CCSER1: variants seen among roughly 807,000 people sequenced by gnomAD.
The protein encoded by CCSER1 is coiled-coil serine rich protein 1, also known as serine-rich coiled-coil domain-containing protein 1.
Under a neutral mutation model 82.0 loss-of-function variants are expected in CCSER1, and 41 were observed. That is an observed-to-expected ratio of 0.50 (90% CI 0.39 to 0.65). The LOEUF is 0.65. CCSER1 is among the 30% of genes least tolerant of loss of function. The probability of loss-of-function intolerance (pLI) is 0.00; values close to 1 mark genes in which losing one functional copy is unlikely to be tolerated. For synonymous variants in CCSER1, 414 were observed against 383.9 expected, an observed-to-expected ratio of 1.08 and a Z score of -0.92; for missense variants, 1,119 against 1,064.2, an observed-to-expected ratio of 1.05 and a Z score of -0.72.
chr4:90,971,968 A>G (rs1441646105), intron 9 of CCSER1, among the ~76,000 whole-genome samples: 1 of 152,090 alleles, frequency 6.6e-6, no homozygotes, highest in Non-Finnish European at 1.5e-5. Flanking sequence ...TACTATCAAT[A>G]TATTGGATAA....
intron 9 of CCSER1, among the ~76,000 whole-genome samples, chr4:91,081,006 T>G (rs1228866391): frequency 6.6e-6 from 1 of 152,210 alleles, no homozygotes; most frequent in South Asian, 2.1e-4. Context: ...CCATGCCTTC[T>G]GAAATTATTC....
chr4:90,817,428 T>G (rs1759163059), intron 8 of CCSER1, among the ~76,000 whole-genome samples: 2 of 151,842 alleles, frequency 1.3e-5, no homozygotes, highest in South Asian at 4.1e-4. Context: ...ATGATTACTT[T>G]CAAAGACAGT....
At position 90,771,607 on chromosome 4, in the gene CCSER1, G is replaced by A. The variant is rs867613282; in HGVS notation, c.2011-44155G>A. ...AGAAAAGAAAAAAATGCATATTTTT[G>A]TAGAAAGTGAGATACTATTTTTATT... On this transcript the variant is annotated intron_variant, in intron 7 of 10. Coordinates refer to ENST00000509176, the MANE Select transcript of CCSER1 (RefSeq NM_001145065.2). Among the ~76,000 whole-genome samples the A allele has an allele frequency of 4.1e-5, 6 of 146,304 alleles. No individual in the cohort carries two copies. The South Asian group carries it at 8.6e-4, about 21-fold the overall frequency.
chr4:90,955,420 T>C (rs1733336366), intron 9 of CCSER1, among the ~76,000 whole-genome samples: 1 of 152,220 alleles, frequency 6.6e-6, no homozygotes, highest in East Asian at 1.9e-4. Flanking sequence ...GACCAATGAG[T>C]ATAAATATCC....
At chr4:91,471,559 T>C (rs1173357500) in intron 10 of CCSER1, among the ~76,000 whole-genome samples, 1 of 152,134 alleles carries the variant, frequency 6.6e-6, no homozygotes, top group East Asian at 1.9e-4. Context: ...ACGGTCTGCT[T>C]GTTTTGCTGC....
intron 6 of CCSER1, among the ~76,000 whole-genome samples, chr4:90,684,179 G>A (rs905581669): frequency 1.3e-5 from 2 of 152,020 alleles, no homozygotes; most frequent in African/African-American, 2.4e-5. Context: ...TGTCTATTTT[G>A]TTTCACTTTA....
At chr4:91,527,333 C>A (rs574069797) in intron 10 of CCSER1, among the ~76,000 whole-genome samples, 5 of 152,238 alleles carry the variant, frequency 3.3e-5, no homozygotes, top group African/African-American at 9.6e-5. Context: ...GAATGCTATG[C>A]TAAAACAATT....
intron 7 of CCSER1, among the ~76,000 whole-genome samples, chr4:90,776,968 C>T (rs575848288): frequency 5.3e-5 from 8 of 152,274 alleles, no homozygotes; most frequent in African/African-American, 1.9e-4. Flanking sequence ...TTCGCAGTAT[C>T]TGGCACAAGA....
chr4:91,077,663 A>G (rs1722149556), intron 9 of CCSER1, among the ~76,000 whole-genome samples: 1 of 152,200 alleles, frequency 6.6e-6, no homozygotes, highest in South Asian at 2.1e-4. Context: ...TCACCTGGGA[A>G]GCACAAGAGG....
chr4:90,548,404 A>G (rs1400485189), intron 5 of CCSER1, among the ~76,000 whole-genome samples: 1 of 152,050 alleles, frequency 6.6e-6, no homozygotes, highest in Non-Finnish European at 1.5e-5. Context: ...ATACACACAC[A>G]TATCCCAGCT....
At chr4:90,707,024 C>T (rs1242323031) in intron 6 of CCSER1, among the ~76,000 whole-genome samples, 1 of 152,076 alleles carries the variant, frequency 6.6e-6, no homozygotes, top group African/African-American at 2.4e-5. Flanking sequence ...TTTCCTGCTC[C>T]CCTCATAATT....
At chr4:90,611,269 T>G (rs1270426431) in intron 5 of CCSER1, among the ~76,000 whole-genome samples, 1 of 152,060 alleles carries the variant, frequency 6.6e-6, no homozygotes, top group Non-Finnish European at 1.5e-5. Context: ...AATGAAGCTC[T>G]GTTGCCTTTA....
At chr4:90,616,721 ACACACACACACACACAC>A (rs1226332175) in intron 5 of CCSER1, among the ~76,000 whole-genome samples, 3 of 120,864 alleles carry the variant, frequency 2.5e-5, no homozygotes, top group African/African-American at 1.1e-4. Context: ...ACACACACAC[ACACACACACACACACAC>A]AAATAAAATA....
At chr4:90,343,584 C>T (rs564095621) in intron 3 of CCSER1, among the ~76,000 whole-genome samples, 1 of 152,080 alleles carries the variant, frequency 6.6e-6, no homozygotes, top group South Asian at 2.1e-4. Context: ...ACCACCACAC[C>T]CCAGCCTGGC....
chr4:90,551,427 C>A (rs558259619), intron 5 of CCSER1, among the ~76,000 whole-genome samples: 1 of 151,970 alleles, frequency 6.6e-6, no homozygotes, highest in Non-Finnish European at 1.5e-5. Flanking sequence ...GGCCTCAGAG[C>A]GCACTTTTCT....
intron 3 of CCSER1, among the ~76,000 whole-genome samples, chr4:90,348,269 A>G (rs963344060): frequency 7.9e-5 from 12 of 152,208 alleles, no homozygotes; most frequent in Non-Finnish European, 1.8e-4. Context: ...AACTTAAAAT[A>G]AAAGTTAAAA....
chr4:90,208,977 A>C (rs530005574), intron 1 of CCSER1, among the ~76,000 whole-genome samples: 1 of 152,130 alleles, frequency 6.6e-6, no homozygotes, highest in Non-Finnish European at 1.5e-5. Flanking sequence ...CGAGTGCCAA[A>C]CATCTACCTA....
chr4:90,401,754 C>T (rs556118863), intron 4 of CCSER1, among the ~76,000 whole-genome samples: 208 of 152,268 alleles, frequency 1.4e-3, no homozygotes, highest in South Asian at 6.0e-3. Context: ...GTCTTGAACT[C>T]TTAGGCTCAA....
At chr4:90,604,950 T>G (rs1784455018) in intron 5 of CCSER1, among the ~76,000 whole-genome samples, 1 of 152,184 alleles carries the variant, frequency 6.6e-6, no homozygotes, top group Admixed American at 6.5e-5. Context: ...TGGGGTCAGA[T>G]AAGGGAATAA....
Sources: gnomAD v4.1 joint callset for allele counts (sites outside exome capture counted in the v4.1 genomes callset) on GRCh38, gnomAD v4.1.1 for gene constraint, MANE v1.5 for transcripts, NCBI Gene and HGNC (gene_info 2026-07-23, HGNC 2026-07-21) for gene names.